The following RADIL variants were observed in gnomAD, a reference collection of about 807,000 sequenced individuals.
RADIL encodes the protein Rap associating with DIL domain, also known as ras-associating and dilute domain-containing protein.
RADIL carries 99 observed loss-of-function variants against 97.6 expected under a neutral mutation model. The ratio of observed to expected loss-of-function variants is 1.01; its 90% confidence interval spans 0.86 to 1.20. The LOEUF is 1.20. Ranked by LOEUF, RADIL falls within the 50% of genes most tolerant of loss-of-function variation. RADIL has a pLI of 0.00. For synonymous variants in RADIL, 803 were observed against 691.8 expected, an observed-to-expected ratio of 1.16 and a Z score of -2.52; for missense variants, 1,765 against 1,498.9, an observed-to-expected ratio of 1.18 and a Z score of -2.93.
chr7:4,814,205 A>G lies in RADIL; in HGVS notation c.2139+1073T>C, dbSNP rs1037712145. Among the ~76,000 whole-genome samples, 1 of 152,200 alleles carries G rather than the reference A, an allele frequency of 6.6e-6. No homozygotes were observed. Among genetic ancestry groups the G allele is most frequent in the Non-Finnish European group, 1.5e-5 (1 of 68,026 alleles). ...TTGTGGCATTAAAAAGCATTGCTTTACTTCTGTTTAGTGATACTGTAGGAG... is the reference window on the plus strand; with the variant it reads ...TTGTGGCATTAAAAAGCATTGCTTTGCTTCTGTTTAGTGATACTGTAGGAG... On this transcript the variant is annotated intron_variant, in intron 9 of 14. Coordinates refer to ENST00000399583, the MANE Select transcript of RADIL (RefSeq NM_018059.5). The surrounding 1 kb of genome is among the most constrained non-coding windows in gnomAD (Gnocchi z 4.5).
Position 4,878,155 on chromosome 7 carries a change from A to G in RADIL, c.-16T>C, listed in dbSNP as rs368294451. 4 of 1,524,856 alleles carry G rather than the reference A, an allele frequency of 2.6e-6. No individual in the cohort carries two copies. Among genetic ancestry groups the G allele is most frequent in the Admixed American group, 2.0e-5 (1 of 49,666 alleles). 94.5% of individuals were successfully genotyped at this position (1,524,856 alleles called of 1,614,324 possible). On this transcript the variant is annotated 5_prime_UTR_variant, in exon 2 of 15. An upstream start codon of the reference 5' UTR is lost. Coordinates refer to ENST00000399583, the MANE Select transcript of RADIL (RefSeq NM_018059.5). This position sits in a 1 kb window ranked among gnomAD's most constrained non-coding sequence, Gnocchi z 4.1. ...CATAAAACATGGTGGGTGAGGCTTC[A>G]TGGATGAGGACTGTGGGCTTCAGCC...
intron 5 of RADIL, among the ~76,000 whole-genome samples, chr7:4,827,567 A>G (rs1207146926): frequency 6.6e-6 from 1 of 152,168 alleles, no homozygotes; most frequent in Admixed American, 6.5e-5. Flanking sequence ...AGGCTGAGGC[A>G]GGAGAATGGC....
At chr7:4,804,290 G>C (rs115801545) in intron 10 of RADIL, among the ~76,000 whole-genome samples, 3,571 of 152,334 alleles carry the variant, frequency 0.023, 141 homozygotes, top group African/African-American at 0.081. Flanking sequence ...CCACAGAAAT[G>C]AATCAATGCG....
At chr7:4,810,441 C>T (rs10258743) in intron 9 of RADIL, among the ~76,000 whole-genome samples, 21,978 of 152,236 alleles carry the variant, frequency 0.14, 2,192 homozygotes, top group African/African-American at 0.28. Context: ...AGTGCCCAGC[C>T]GACGGTTCAG....
intron 2 of RADIL, among the ~76,000 whole-genome samples, chr7:4,855,631 A>G (rs1783809570): frequency 6.7e-6 from 1 of 149,254 alleles, no homozygotes; most frequent in Non-Finnish European, 1.5e-5. Flanking sequence ...AAAAAAAAAA[A>G]AAAAAAAAAA....
At chr7:4,832,523 A>G (rs143308878) in intron 4 of RADIL, among the ~76,000 whole-genome samples, 5,234 of 152,024 alleles carry the variant, frequency 0.034, 139 homozygotes, top group African/African-American at 0.072. Flanking sequence ...CAGATCACTT[A>G]AGGTCAGGAA....
chr7:4,838,815 C>T (rs1253550746), intron 2 of RADIL, among the ~76,000 whole-genome samples: 2 of 152,256 alleles, frequency 1.3e-5, no homozygotes, highest in Non-Finnish European at 2.9e-5. Flanking sequence ...GGTGAAGCAG[C>T]AGCAGCCACT....
chr7:4,872,601 G>A lies in RADIL; in HGVS notation c.535+5004C>T, dbSNP rs566508211. ...AAATACAGCCTTCTAGGAAAGGGGA[G>A]TGAGAGCCACTTCCAGCCCGGCCAT... On this transcript the variant is annotated intron_variant, in intron 2 of 14. Transcript: ENST00000399583. The surrounding 1 kb of genome is among the most constrained non-coding windows in gnomAD (Gnocchi z 5.8). 1.3e-5 allele frequency among the ~76,000 whole-genome samples: 2 copies of A among 152,140 alleles called. No individual in the cohort carries two copies. Among genetic ancestry groups the A allele is most frequent in the Non-Finnish European group, 2.9e-5 (2 of 68,024 alleles).
Position 4,880,223 on chromosome 7 carries a change from C to A in RADIL, c.-64-2020G>T, listed in dbSNP as rs1784456434. Among the ~76,000 whole-genome samples the A allele has an allele frequency of 6.6e-6, 1 of 152,192 alleles. No homozygotes were observed. Among genetic ancestry groups the A allele is most frequent in the Non-Finnish European group, 1.5e-5 (1 of 68,040 alleles). ...GCCAGGCCATAAAGGAGTAAAGGAG[C>A]AAAGCCTTTGTTTCTCTTCCTCTGA... On this transcript the variant is annotated intron_variant, in intron 1 of 14. Transcript: ENST00000399583. The surrounding 1 kb of genome is among the most constrained non-coding windows in gnomAD (Gnocchi z 4.5).
At chr7:4,802,368 G>T (rs1244447867) in intron 11 of RADIL, among the ~76,000 whole-genome samples, 86 of 107,772 alleles carry the variant, frequency 8.0e-4, no homozygotes, top group Admixed American at 2.3e-3. Flanking sequence ...CGCTGGCTGG[G>T]GGGCCCCCTC....
chr7:4,804,264 C>T (rs73671957), intron 10 of RADIL, among the ~76,000 whole-genome samples: 5,829 of 152,296 alleles, frequency 0.038, 351 homozygotes, highest in African/African-American at 0.13. Flanking sequence ...TCCTAGCTCC[C>T]AGCACAGAAT....
intron 2 of RADIL, among the ~76,000 whole-genome samples, chr7:4,875,648 C>G (rs1784359603): frequency 6.6e-6 from 1 of 152,216 alleles, no homozygotes. Flanking sequence ...TTTTTGCCCG[C>G]TGCTTGGCAG....
rs1020292493 is a variant in RADIL, at chr7:4,854,817, C to G, written c.536-18212G>C. 2.0e-5 allele frequency among the ~76,000 whole-genome samples: 3 copies of G among 152,234 alleles called. No homozygotes were observed. Among genetic ancestry groups the G allele is most frequent in the Non-Finnish European group, 4.4e-5 (3 of 68,014 alleles). The stretch of plus-strand genomic sequence containing the variant: ...ACAAAATAAACACCATTTCATCCAC[C>G]ACCCAACCTAAAAAGAATGCACTAG... On this transcript the variant is annotated intron_variant, in intron 2 of 14. Transcript: ENST00000399583. This position sits in a 1 kb window ranked among gnomAD's most constrained non-coding sequence, Gnocchi z 5.1.
At chr7:4,832,542 C>T (rs1301994643) in intron 4 of RADIL, among the ~76,000 whole-genome samples, 2 of 151,946 alleles carry the variant, frequency 1.3e-5, no homozygotes, top group Non-Finnish European at 2.9e-5. Flanking sequence ...AATTCGAGAC[C>T]AGCCTGGACA....
chr7:4,801,221 C>T (rs1290151477), intron 12 of RADIL, among the ~76,000 whole-genome samples: 1 of 152,210 alleles, frequency 6.6e-6, no homozygotes, highest in African/African-American at 2.4e-5. Flanking sequence ...CACACCCATG[C>T]ACCTGTGAGC....
chr7:4,844,659 A>G (rs1349663149), intron 2 of RADIL, among the ~76,000 whole-genome samples: 1 of 152,104 alleles, frequency 6.6e-6, no homozygotes, highest in African/African-American at 2.4e-5. Flanking sequence ...GCTGGAGTGC[A>G]ATGGCACGAT....
chr7:4,838,106 C>A (rs548866289), intron 2 of RADIL: 40 of 966,694 alleles, frequency 4.1e-5, no homozygotes, highest in Non-Finnish European at 4.9e-5. Context: ...AGCCGCAGTG[C>A]GAGGCTGCTG....
At position 4,874,291 on chromosome 7, in the gene RADIL, C is replaced by G. The variant is rs563852582; in HGVS notation, c.535+3314G>C. On this transcript the variant is annotated intron_variant, in intron 2 of 14. Transcript: ENST00000399583. ...CTAGCGCAAAGCTTCTGGGCGCGGG[C>G]CTGTTTGAGGCAGGGCTGTCCAGCT... is the stretch of plus-strand genomic sequence containing the variant. 1.3e-3 allele frequency among the ~76,000 whole-genome samples: 204 copies of G among 152,374 alleles called. 1 individual carries two copies. Among genetic ancestry groups the G allele is most frequent in the African/African-American group, 4.7e-3 (197 of 41,594 alleles).
intron 2 of RADIL, among the ~76,000 whole-genome samples, chr7:4,875,192 CA>C (rs1784345909): frequency 7.0e-4 from 2 of 2,866 alleles, no homozygotes; most frequent in Admixed American, 4.5e-3. Context: ...ACTCCATCTC[CA>C]ACAACAACAA....
Sources: allele counts gnomAD v4.1 joint callset (sites outside exome capture counted in the v4.1 genomes callset), GRCh38; gene constraint gnomAD v4.1.1; non-coding constraint Gnocchi (gnomAD v3.1); transcripts MANE v1.5; gene names NCBI Gene and HGNC (gene_info 2026-07-23, HGNC 2026-07-21).